GALNT16: variants seen among roughly 807,000 people sequenced by gnomAD.
GALNT16 encodes the protein polypeptide N-acetylgalactosaminyltransferase 16.
Under a neutral mutation model 76.1 loss-of-function variants are expected in GALNT16, and 40 were observed. That is an observed-to-expected ratio of 0.53 (90% CI 0.41 to 0.68). The LOEUF (loss-of-function observed/expected upper bound fraction) is 0.68. Among genes scored for constraint, GALNT16 ranks in the 30% least tolerant of loss-of-function variants. The pLI is 0.00. For missense variants in GALNT16, 621 were observed against 731.9 expected (o/e 0.85, Z 1.75); for synonymous variants, 276 against 285.2 (o/e 0.97, Z 0.32).
At chr14:69,327,765 C>T (rs891077999) in intron 5 of GALNT16, among the ~76,000 whole-genome samples, 1 of 152,180 alleles carries the variant, frequency 6.6e-6, no homozygotes, top group African/African-American at 2.4e-5. Flanking sequence ...AGCTGGGCCT[C>T]CTCCCTCCTG....
the GALNT16 span, among the ~76,000 whole-genome samples, chr14:69,382,872 A>T: frequency 2.0e-5 from 3 of 152,028 alleles, no homozygotes; most frequent in Non-Finnish European, 4.4e-5. Flanking sequence ...CTTGAAAATG[A>T]GACAATTAAA....
In GALNT16 at chr14:69,267,112, G is replaced by A. The variant is rs139280752; in HGVS notation, c.177+6645G>A. Among the ~76,000 whole-genome samples the A allele has an allele frequency of 4.9e-3, 752 of 152,304 alleles. 9 individuals are homozygous for A. Among genetic ancestry groups the A allele is most frequent in the South Asian group, 0.029 (138 of 4,822 alleles). On this transcript the variant is annotated intron_variant, in intron 1 of 14. Coordinates refer to ENST00000448469, the MANE Select transcript of GALNT16 (RefSeq NM_001168368.2). The stretch of plus-strand genomic sequence containing the variant: ...TGTCCTGTCTCCCAGACCCCTGACT[G>A]TTGCTGCCTGGGGCGGCGCTGGCTG...
At chr14:69,347,457 T>C (rs2045581065) in intron 13 of GALNT16, among the ~76,000 whole-genome samples, 1 of 152,160 alleles carries the variant, frequency 6.6e-6, no homozygotes. Flanking sequence ...TGGGGTCGGC[T>C]CATGTGACAG....
chr14:69,262,906 G>A (rs1008649434), intron 1 of GALNT16, among the ~76,000 whole-genome samples: 2 of 147,884 alleles, frequency 1.4e-5, no homozygotes, highest in African/African-American at 5.0e-5. Context: ...TTGAGATGGA[G>A]TCTCACTCTG....
chr14:69,263,140 A>G (rs891317364), intron 1 of GALNT16, among the ~76,000 whole-genome samples: 7 of 152,150 alleles, frequency 4.6e-5, no homozygotes, highest in Non-Finnish European at 1.0e-4. Context: ...TCAGCCTCCT[A>G]AAGTGCACAG....
intron 12 of GALNT16, 60 bp downstream of exon 12, chr14:69,341,824 G>A (rs755180957): frequency 1.2e-4 from 136 of 1,123,490 alleles, no homozygotes; most frequent in East Asian, 3.8e-4. Flanking sequence ...TGGGGCCAGC[G>A]GCTTTGGTCC....
At chr14:69,315,877 CT>C (rs2045092572) in intron 1 of GALNT16, among the ~76,000 whole-genome samples, 1 of 152,010 alleles carries the variant, frequency 6.6e-6, no homozygotes, top group African/African-American at 2.4e-5. Context: ...ATTGTTTCTT[CT>C]TGGTTCATTT....
intron 3 of GALNT16, 35 bp downstream of exon 3, chr14:69,324,825 G>T (rs758828582): frequency 1.3e-5 from 18 of 1,389,776 alleles, no homozygotes; most frequent in Non-Finnish European, 1.8e-5. Flanking sequence ...TCTCAGTGGT[G>T]CTGGCAGGGG....
chr14:69,339,429 C>A, intron 10 of GALNT16, 98 bp from the exon 11 acceptor site: 1 of 792,080 alleles, frequency 1.3e-6, no homozygotes. Context: ...TCCTGAGATT[C>A]TCATCGTCCT....
At chr14:69,373,936 A>G in the GALNT16 span, among the ~76,000 whole-genome samples, 1 of 151,982 alleles carries the variant, frequency 6.6e-6, no homozygotes, top group Non-Finnish European at 1.5e-5. Flanking sequence ...ATATGCCACC[A>G]CACCCAGCTA....
At chr14:69,274,427 G>A (rs1308396338) in intron 1 of GALNT16, among the ~76,000 whole-genome samples, 1 of 152,110 alleles carries the variant, frequency 6.6e-6, no homozygotes, top group East Asian at 1.9e-4. Context: ...AAATGGTTCT[G>A]GGTTTTCTCA....
chr14:69,346,113 C>T (rs763152142), intron 12 of GALNT16, among the ~76,000 whole-genome samples: 29 of 151,716 alleles, frequency 1.9e-4, no homozygotes, highest in Non-Finnish European at 3.7e-4. Context: ...AGGCTGGTCT[C>T]GAACTCCTGG....
chr14:69,264,273 T>G (rs1594806073), intron 1 of GALNT16, among the ~76,000 whole-genome samples: 1 of 152,232 alleles, frequency 6.6e-6, no homozygotes, highest in Admixed American at 6.5e-5. Flanking sequence ...TGAATGACCA[T>G]GGACACAATA....
downstream of GALNT16, chr14:69,354,802 C>T (rs1265284840): frequency 2.0e-5 from 3 of 152,326 alleles, no homozygotes; most frequent in Non-Finnish European, 4.4e-5. Flanking sequence ...AAGCAAATTG[C>T]TTCTCCAAAT....
the GALNT16 span, among the ~76,000 whole-genome samples, chr14:69,379,663 C>CA: frequency 2.6e-5 from 4 of 151,972 alleles, no homozygotes; most frequent in Admixed American, 1.3e-4. Context: ...GAGACTGTCT[C>CA]AAAAAAACAA....
chr14:69,273,166 T>G (rs2044427468), intron 1 of GALNT16, among the ~76,000 whole-genome samples: 1 of 152,192 alleles, frequency 6.6e-6, no homozygotes, highest in African/African-American at 2.4e-5. Context: ...AAAAACAAGG[T>G]CAATATTTTG....
At chr14:69,339,119 C>G (rs1199150545) in intron 10 of GALNT16, among the ~76,000 whole-genome samples, 1 of 152,186 alleles carries the variant, frequency 6.6e-6, no homozygotes, top group African/African-American at 2.4e-5. Flanking sequence ...GATCAACCAT[C>G]TGTCCATCCC....
intron 1 of GALNT16, among the ~76,000 whole-genome samples, chr14:69,268,798 T>C (rs749920793): frequency 1.8e-4 from 28 of 152,274 alleles, no homozygotes; most frequent in Middle Eastern, 6.8e-3. Flanking sequence ...TAAGACTTCA[T>C]TGGAGATGGC....
the GALNT16 span, among the ~76,000 whole-genome samples, chr14:69,383,667 A>C: frequency 3.1e-3 from 477 of 152,360 alleles, 4 homozygotes; most frequent in African/African-American, 0.011. Flanking sequence ...TACGGTTTTT[A>C]ACACTCTGAA....
Sources: allele counts gnomAD v4.1 joint callset (sites outside exome capture counted in the v4.1 genomes callset), GRCh38; gene constraint gnomAD v4.1.1; transcripts MANE v1.5; gene names NCBI Gene and HGNC (gene_info 2026-07-23, HGNC 2026-07-21).